TENM4: variants seen among roughly 807,000 people sequenced by gnomAD.
The protein encoded by TENM4 is teneurin-4.
TENM4 carries 82 observed loss-of-function variants against 243.3 expected under a neutral mutation model. The observed-to-expected ratio is 0.34, with a 90% CI of 0.28 to 0.40. The LOEUF (loss-of-function observed/expected upper bound fraction) is 0.40. TENM4 is among the 10% of genes least tolerant of loss of function. The pLI, the probability that TENM4 is intolerant of heterozygous loss-of-function variation, is 1.00. For synonymous variants in TENM4, 1,412 were observed against 1,456.3 expected, an observed-to-expected ratio of 0.97 and a Z score of 0.69; for missense variants, 3,138 against 3,673.3, an observed-to-expected ratio of 0.85 and a Z score of 3.77.
intron 12 of TENM4, among the ~76,000 whole-genome samples, chr11:78,820,073 T>C (rs1029514650): frequency 6.6e-6 from 1 of 152,198 alleles, no homozygotes; most frequent in Non-Finnish European, 1.5e-5. Flanking sequence ...AAGGGCTGGA[T>C]TTATTATTAG....
intron 3 of TENM4, among the ~76,000 whole-genome samples, chr11:79,159,682 C>T (rs1862700566): frequency 6.6e-6 from 1 of 152,266 alleles, no homozygotes; most frequent in South Asian, 2.1e-4. Context: ...CCAGTCCTGC[C>T]CTACAACCCC....
intron 29 of TENM4, 102 bp downstream of exon 29, chr11:78,687,952 T>C: frequency 7.2e-7 from 1 of 1,392,584 alleles, no homozygotes; most frequent in Non-Finnish European, 9.8e-7. Context: ...GCTTTCCTGT[T>C]CTTGGGCAGC....
At chr11:79,377,593 C>G (rs1488982293) in intron 1 of TENM4, among the ~76,000 whole-genome samples, 1 of 152,194 alleles carries the variant, frequency 6.6e-6, no homozygotes, top group Non-Finnish European at 1.5e-5. Context: ...TAATGACAGG[C>G]ACACAGCAGT....
At chr11:78,943,116 A>G (rs1310814870) in intron 6 of TENM4, among the ~76,000 whole-genome samples, 1 of 152,202 alleles carries the variant, frequency 6.6e-6, no homozygotes, top group South Asian at 2.1e-4. Context: ...CTTCAACTCG[A>G]TATCCTTAAT....
intron 3 of TENM4, among the ~76,000 whole-genome samples, chr11:79,162,806 G>A (rs968554715): frequency 6.6e-6 from 1 of 152,130 alleles, no homozygotes. Flanking sequence ...CAGTGTGCAG[G>A]AGCCCATTGG....
At chr11:78,933,797 T>C (rs571233717) in intron 6 of TENM4, among the ~76,000 whole-genome samples, 60 of 152,296 alleles carry the variant, frequency 3.9e-4, no homozygotes, top group African/African-American at 1.4e-3. Context: ...TACCTGCCTC[T>C]GGAGAAGAAA....
At chr11:79,223,825 T>TC (rs1413133600) in intron 2 of TENM4, among the ~76,000 whole-genome samples, 2 of 152,160 alleles carry the variant, frequency 1.3e-5, no homozygotes, top group East Asian at 3.9e-4. Flanking sequence ...GAACCCTTTT[T>TC]CCCACTGCTC....
chr11:79,127,610 C>T (rs964092280), intron 4 of TENM4, among the ~76,000 whole-genome samples: 1 of 152,196 alleles, frequency 6.6e-6, no homozygotes, highest in Admixed American at 6.5e-5. Context: ...AGGGGTATAT[C>T]AACTCTCCAG....
At chr11:78,964,963 G>A (rs1057411643) in intron 6 of TENM4, among the ~76,000 whole-genome samples, 2 of 152,080 alleles carry the variant, frequency 1.3e-5, no homozygotes, top group Admixed American at 6.5e-5. Context: ...CATCTCCCGG[G>A]TTCAAGAGAT....
At chr11:79,157,197 C>T (rs1862641154) in intron 3 of TENM4, among the ~76,000 whole-genome samples, 2 of 152,142 alleles carry the variant, frequency 1.3e-5, no homozygotes, top group South Asian at 4.1e-4. Flanking sequence ...CATTCTAAGT[C>T]CCATTTATTG....
At chr11:78,855,574 T>C (rs1182687910) in intron 11 of TENM4, among the ~76,000 whole-genome samples, 1 of 152,200 alleles carries the variant, frequency 6.6e-6, no homozygotes, top group Non-Finnish European at 1.5e-5. Flanking sequence ...CGGCATCTTA[T>C]AGATGAGGAA....
chr11:78,688,274 T>G, intron 28 of TENM4, 48 bp from the exon 29 acceptor site: 1 of 1,568,386 alleles, frequency 6.4e-7, no homozygotes. Flanking sequence ...AATGGTGCTC[T>G]AGCTGGAACT....
chr11:78,725,245 T>C (rs1237839206), intron 23 of TENM4, among the ~76,000 whole-genome samples: 1 of 152,246 alleles, frequency 6.6e-6, no homozygotes, highest in Non-Finnish European at 1.5e-5. Context: ...GTTAGCTATT[T>C]ACAAGTCTGT....
At chr11:79,210,721 T>G (rs1863940084) in intron 3 of TENM4, among the ~76,000 whole-genome samples, 1 of 152,224 alleles carries the variant, frequency 6.6e-6, no homozygotes, top group South Asian at 2.1e-4. Flanking sequence ...ACAGGAAGAA[T>G]GCCTGGCACA....
chr11:79,163,082 C>T (rs1466946287), intron 3 of TENM4, among the ~76,000 whole-genome samples: 1 of 152,074 alleles, frequency 6.6e-6, no homozygotes, highest in African/African-American at 2.4e-5. Context: ...TGTAGAGAAC[C>T]AGCCTGCTTA....
At chr11:78,993,287 A>G (rs1858089960) in intron 6 of TENM4, among the ~76,000 whole-genome samples, 1 of 152,176 alleles carries the variant, frequency 6.6e-6, no homozygotes, top group Non-Finnish European at 1.5e-5. Flanking sequence ...ATTTATGAAA[A>G]AGGGGAATTT....
chr11:79,064,782 G>A lies in TENM4; in HGVS notation c.449C>T (p.Ser150Phe). The stretch of plus-strand genomic sequence containing the variant: ...CTCGGTGTCGGTGAGTGTGAGATTG[G>A]AATTGGCCCGGCTGGACAGGCAGGA... ...RSSCLSSRAN[S>F]NLTLTDTEHE... The change falls in exon 6 of 34, where the codon TCC (serine) becomes TTC (phenylalanine). Residue 150 changes from serine to phenylalanine, a missense_variant. This residue lies in a region of TENM4 where 671 missense variants were observed against 614.1 expected (regional missense o/e 1.09). Coordinates refer to ENST00000278550, the MANE Select transcript of TENM4 (RefSeq NM_001098816.3). The A allele has an allele frequency of 6.4e-7, 1 of 1,551,682 alleles. No individual in the cohort carries two copies. Among genetic ancestry groups the A allele is most frequent in the East Asian group, 2.4e-5 (1 of 40,912 alleles).
chr11:78,975,985 C>T (rs147015627), intron 6 of TENM4, among the ~76,000 whole-genome samples: 2 of 152,276 alleles, frequency 1.3e-5, no homozygotes, highest in South Asian at 2.1e-4. Flanking sequence ...GTCACCCAGC[C>T]GGTGGGTACC....
rs559847741 is a variant in TENM4, at chr11:79,162,531, T to C, written c.-162-13725A>G. Among the ~76,000 whole-genome samples the C allele has an allele frequency of 2.0e-5, 3 of 150,044 alleles. No homozygotes were observed. In the East Asian group the frequency reaches 5.8e-4, roughly 29 times the overall value. On this transcript the variant is annotated intron_variant, in intron 3 of 33. Transcript: ENST00000278550. The stretch of plus-strand genomic sequence containing the variant: ...TCTGACTCCTCTATGTCTTAATTAA[T>C]TTTGATTTTAGGCCAGGAAGATAAG...
Sources: allele counts gnomAD v4.1 joint callset (sites outside exome capture counted in the v4.1 genomes callset), GRCh38; gene constraint gnomAD v4.1.1; regional missense constraint gnomAD v4.1.1; transcripts MANE v1.5; gene names NCBI Gene and HGNC (gene_info 2026-07-23, HGNC 2026-07-21).